DOCK2: variants seen among roughly 807,000 people sequenced by gnomAD.
The protein encoded by DOCK2 is dedicator of cytokinesis 2, also known as dedicator of cytokinesis protein 2.
DOCK2 carries 87 observed loss-of-function variants against 248.9 expected under a neutral mutation model. The observed-to-expected ratio is 0.35, with a 90% CI of 0.29 to 0.42. DOCK2 has a LOEUF of 0.42. DOCK2 is among the 10% of genes least tolerant of loss of function. The pLI is 1.00. For missense variants in DOCK2, 1,747 were observed against 2,300.2 expected, an observed-to-expected ratio of 0.76 and a Z score of 4.92; for synonymous variants, 805 against 821.6, an observed-to-expected ratio of 0.98 and a Z score of 0.35.
Position 170,082,948 on chromosome 5 carries a change from G to A in DOCK2, c.*90G>A, listed in dbSNP as rs935573650. On this transcript the variant is annotated 3_prime_UTR_variant, in exon 52 of 52. Transcript: ENST00000520908. ...GCGTGGAACATCGAAGCCTCAGAGA[G>A]TGGGAGACTGTCCCCATCAGTTGTC... 2 of 1,528,756 alleles carry A rather than the reference G, an allele frequency of 1.3e-6. No homozygotes were observed. Among genetic ancestry groups the A allele is most frequent in the South Asian group, 1.1e-5 (1 of 87,982 alleles). The allele number at this position is 1,528,756 out of a possible 1,614,324, so 94.7% of individuals were successfully genotyped here. A position where few individuals can be genotyped will look rare whatever the true frequency, so the allele number is the denominator to read the frequency against.
At chr5:169,806,509 C>A (rs1173135777) in intron 26 of DOCK2, among the ~76,000 whole-genome samples, 1 of 151,856 alleles carries the variant, frequency 6.6e-6, no homozygotes, top group Admixed American at 6.6e-5. Flanking sequence ...CCGGTGAAAC[C>A]CCATCTCCAA....
chr5:169,710,517 A>G (rs1471695945), intron 15 of DOCK2, among the ~76,000 whole-genome samples: 2 of 152,208 alleles, frequency 1.3e-5, no homozygotes, highest in African/African-American at 4.8e-5. Context: ...ACATTACCAG[A>G]TCGTCACACT....
At chr5:169,952,585 A>G (rs1234898676) in intron 27 of DOCK2, among the ~76,000 whole-genome samples, 4 of 152,086 alleles carry the variant, frequency 2.6e-5, no homozygotes, top group Admixed American at 1.3e-4. Context: ...ATGAGACTGT[A>G]CAGGAGTCAA....
At chr5:170,009,196 G>A (rs920064956) in intron 32 of DOCK2, among the ~76,000 whole-genome samples, 4 of 152,094 alleles carry the variant, frequency 2.6e-5, no homozygotes, top group Admixed American at 6.6e-5. Context: ...AGTGACCCCA[G>A]AAGCTGTCTC....
At chr5:169,780,164 A>G (rs1476525285) in intron 25 of DOCK2, among the ~76,000 whole-genome samples, 1 of 152,164 alleles carries the variant, frequency 6.6e-6, no homozygotes, top group Non-Finnish European at 1.5e-5. Flanking sequence ...GCTCTTGCCC[A>G]TCCAGCGTGA....
At chr5:170,071,037 C>T (rs114969321) in intron 46 of DOCK2, among the ~76,000 whole-genome samples, 5,234 of 152,278 alleles carry the variant, frequency 0.034, 138 homozygotes, top group Middle Eastern at 0.092. Context: ...CCTGAGACCA[C>T]CTATACAGAG....
chr5:169,864,137 G>C (rs747714801), intron 27 of DOCK2: 7 of 757,434 alleles, frequency 9.2e-6, no homozygotes, highest in Admixed American at 5.2e-5. Flanking sequence ...CAGCTCCAAG[G>C]CTCTTCTGTT....
intron 44 of DOCK2, among the ~76,000 whole-genome samples, chr5:170,058,105 G>C (rs1757201264): frequency 6.6e-6 from 1 of 152,142 alleles, no homozygotes; most frequent in Non-Finnish European, 1.5e-5. Flanking sequence ...CATTTGGCTA[G>C]AATCCAAATG....
rs375450002 is a variant in DOCK2, at chr5:169,982,551, G to A, written c.2800-517G>A. Among the ~76,000 whole-genome samples the A allele has an allele frequency of 4.3e-4, 65 of 152,272 alleles. No individual in the cohort carries two copies. The South Asian group carries it at 0.012, about 28-fold the overall frequency. On this transcript the variant is annotated intron_variant, in intron 27 of 51. Coordinates refer to ENST00000520908, the MANE Select transcript of DOCK2 (RefSeq NM_004946.3). The stretch of plus-strand genomic sequence containing the variant: ...GATCATGAACTCACAAAGAGCAAGA[G>A]CCATCTCTTCTCATTTCTTTCATCC...
chr5:170,076,811 A>G (rs1757855835), intron 47 of DOCK2, among the ~76,000 whole-genome samples: 1 of 152,166 alleles, frequency 6.6e-6, no homozygotes, highest in Non-Finnish European at 1.5e-5. Context: ...TCCATGAGGC[A>G]GTTTGTCACT....
chr5:169,959,217 C>T (rs1776983157), intron 27 of DOCK2, among the ~76,000 whole-genome samples: 1 of 151,820 alleles, frequency 6.6e-6, no homozygotes, highest in Non-Finnish European at 1.5e-5. Flanking sequence ...ATGGTGAAAC[C>T]CTGTCTGTAC....
chr5:169,806,511 C>T (rs1767371908), intron 26 of DOCK2, among the ~76,000 whole-genome samples: 1 of 151,924 alleles, frequency 6.6e-6, no homozygotes, highest in Admixed American at 6.6e-5. Context: ...GGTGAAACCC[C>T]ATCTCCAAGC....
chr5:169,843,573 TA>T (rs1770121286), intron 27 of DOCK2, among the ~76,000 whole-genome samples: 2 of 152,240 alleles, frequency 1.3e-5, no homozygotes, highest in Admixed American at 1.3e-4. Flanking sequence ...AAGTATAGTT[TA>T]TACACTTTAA....
rs764238924 is a variant in DOCK2 at position 169,699,411 on chromosome 5, G to A, written c.1085G>A (p.Ser362Asn). Residue 362 changes from serine to asparagine, a missense_variant, in exon 12 of 52, where the codon AGC (serine) becomes AAC (asparagine). Physicochemically the swap from Ser to Asn is conservative, Grantham distance 46. Around this residue, in one of 4 missense-constraint regions of DOCK2, gnomAD observed 375 missense variants for 510.9 expected, o/e 0.73. Transcript: ENST00000520908. Reference protein sequence around the residue: ...PVTAENDFLHSLLGKVIASKG... With the variant: ...PVTAENDFLHNLLGKVIASKG... The stretch of plus-strand genomic sequence containing the variant: ...ACAGCTGAGAATGACTTCCTACACA[G>A]CCTGCTGGGCAAAGTCATAGCCTCC... 1.2e-6 allele frequency: 2 copies of A among 1,613,150 alleles called. No homozygotes were observed. The highest frequency in any genetic ancestry group is 1.1e-5 in the South Asian group (1 of 90,970).
intron 27 of DOCK2, among the ~76,000 whole-genome samples, chr5:169,873,271 G>A (rs977057736): frequency 6.6e-6 from 1 of 152,168 alleles, no homozygotes; most frequent in African/African-American, 2.4e-5. Context: ...AAATGTCTTG[G>A]GAATCTCCTG....
At chr5:169,944,263 C>T (rs1448636194) in intron 27 of DOCK2, among the ~76,000 whole-genome samples, 1 of 152,204 alleles carries the variant, frequency 6.6e-6, no homozygotes, top group Non-Finnish European at 1.5e-5. Context: ...TTCCTGTGAC[C>T]TGCCCATGCA....
chr5:169,857,559 T>C (rs374088604), intron 27 of DOCK2, among the ~76,000 whole-genome samples: 3 of 152,208 alleles, frequency 2.0e-5, no homozygotes, highest in South Asian at 4.1e-4. Context: ...AACATTACAC[T>C]CTCACCTCAG....
At chr5:169,845,049 C>T (rs1299597765) in intron 27 of DOCK2, among the ~76,000 whole-genome samples, 1 of 151,500 alleles carries the variant, frequency 6.6e-6, no homozygotes, top group Non-Finnish European at 1.5e-5. Flanking sequence ...TGTGATGTCT[C>T]TCAGGAATCT....
intron 38 of DOCK2, among the ~76,000 whole-genome samples, chr5:170,043,687 C>A (rs1022663753): frequency 6.6e-6 from 1 of 152,216 alleles, no homozygotes; most frequent in Non-Finnish European, 1.5e-5. Context: ...CTCTTGAGGG[C>A]AGAGATGCTG....
Sources: allele counts gnomAD v4.1 joint callset (sites outside exome capture counted in the v4.1 genomes callset), GRCh38; gene constraint gnomAD v4.1.1; regional missense constraint gnomAD v4.1.1; transcripts MANE v1.5; gene names NCBI Gene and HGNC (gene_info 2026-07-23, HGNC 2026-07-21).